Variants in MTFR1L observed in about 807,000 individuals in gnomAD.
MTFR1L encodes mitochondrial fission regulator 1 like.
Under a neutral mutation model 27.9 loss-of-function variants are expected in MTFR1L, and 10 were observed. That is an observed-to-expected ratio of 0.36 (90% CI 0.22 to 0.61). MTFR1L has a LOEUF of 0.61. Among genes scored for constraint, MTFR1L ranks in the 20% least tolerant of loss-of-function variants. The probability of loss-of-function intolerance (pLI) is 0.73; values close to 1 mark genes in which losing one functional copy is unlikely to be tolerated. For missense variants in MTFR1L, 315 were observed against 363.7 expected (o/e 0.87, Z 1.09); for synonymous variants, 151 against 139.4 (o/e 1.08, Z -0.58).
Position 25,832,470 on chromosome 1 carries a change from C to T in MTFR1L, c.*444C>T, listed in dbSNP as rs1254950612. On this transcript the variant is annotated 3_prime_UTR_variant, in exon 7 of 7. Coordinates refer to ENST00000374303, the MANE Select transcript of MTFR1L (RefSeq NM_001099625.2). ...GGAAGGGGCTATGAATGTTTGTATACATGTTCACAGGGCACGGAAAATCTT... is the reference window on the plus strand; with the variant it reads ...GGAAGGGGCTATGAATGTTTGTATATATGTTCACAGGGCACGGAAAATCTT... 5.3e-6 allele frequency: 2 copies of T among 379,898 alleles called. No individual in the cohort carries two copies. Among genetic ancestry groups the T allele is most frequent in the Non-Finnish European group, 9.9e-6 (2 of 201,088 alleles). The allele number at this position is 379,898 out of a possible 1,614,324, so 23.5% of individuals were successfully genotyped here.
chr1:25,823,912 G>A (rs909711956), intron 3 of MTFR1L, among the ~76,000 whole-genome samples, 164 bp downstream of exon 3: 2 of 152,202 alleles, frequency 1.3e-5, no homozygotes, highest in African/African-American at 2.4e-5. Context: ...GTGTCCTCCT[G>A]AGTGCATACA....
Position 25,826,223 on chromosome 1 carries a change from A to G in MTFR1L, c.130-79A>G, listed in dbSNP as rs554729835. On this transcript the variant is annotated intron_variant, in intron 3 of 6. Coordinates refer to ENST00000374303, the MANE Select transcript of MTFR1L (RefSeq NM_001099625.2). The surrounding 1 kb of genome is among the most constrained non-coding windows in gnomAD (Gnocchi z 4.1). ...CCTGACACCCAGTGCCGGATTAGGT[A>G]CCCCTCCTGTGTATTCTGCAGTTTC... is the stretch of plus-strand genomic sequence containing the variant. The G allele has an allele frequency of 5.7e-6, 7 of 1,230,292 alleles. No individual in the cohort carries two copies. The African/African-American group carries it at 6.0e-5, about 11-fold the overall frequency. The allele number at this position is 1,230,292 out of a possible 1,614,324, so 76.2% of individuals were successfully genotyped here.
chr1:25,831,920 G>A lies in MTFR1L; in HGVS notation c.774-1G>A. ...TACTCAAGCTATTATTGTGTCTCTAGGAACCGGAGTTTATTGAAGGAGGAA... is the reference window on the plus strand; with the variant it reads ...TACTCAAGCTATTATTGTGTCTCTAAGAACCGGAGTTTATTGAAGGAGGAA... On this transcript the variant is annotated splice_acceptor_variant, in intron 6 of 6. Coordinates refer to ENST00000374303, the MANE Select transcript of MTFR1L (RefSeq NM_001099625.2). LOFTEE classifies it high-confidence loss of function. 1.2e-6 allele frequency: 2 copies of A among 1,613,650 alleles called. No homozygotes were observed. The highest frequency in any genetic ancestry group is 1.3e-5 in the African/African-American group (1 of 75,044).
In MTFR1L at chr1:25,825,978, C is replaced by T. The variant is rs181654653; in HGVS notation, c.130-324C>T. Reference sequence around the variant, plus strand: ...TCTCCTGAATAGCTGGGACTACAGGCGTATACCACCATACCCAGATAATTT... The same window carrying T: ...TCTCCTGAATAGCTGGGACTACAGGTGTATACCACCATACCCAGATAATTT... On this transcript the variant is annotated intron_variant, in intron 3 of 6. Coordinates refer to ENST00000374303, the MANE Select transcript of MTFR1L (RefSeq NM_001099625.2). 253 of 270,806 alleles carry T rather than the reference C, an allele frequency of 9.3e-4. 3 individuals carry two copies. The highest frequency in any genetic ancestry group is 8.9e-4 in the South Asian group (21 of 23,516). The allele number at this position is 270,806 out of a possible 1,614,324, so 16.8% of individuals were successfully genotyped here.
chr1:25,823,393 C>T (rs1205911932), intron 2 of MTFR1L: 3 of 725,086 alleles, frequency 4.1e-6, no homozygotes, highest in African/African-American at 1.7e-5. Flanking sequence ...GCTACTTCCT[C>T]TCCCCTTCCC....
rs15045 is a variant in MTFR1L at position 25,832,471 on chromosome 1, A to G, written c.*445A>G. 0.8 allele frequency: 296,420 copies of G among 369,700 alleles called. 119,598 individuals carry two copies. The highest frequency in any genetic ancestry group is 0.97 in the East Asian group (18,120 of 18,604). 22.9% of individuals were successfully genotyped at this position (369,700 alleles called of 1,614,324 possible). On this transcript the variant is annotated 3_prime_UTR_variant, in exon 7 of 7. Coordinates refer to ENST00000374303, the MANE Select transcript of MTFR1L (RefSeq NM_001099625.2). ...GAAGGGGCTATGAATGTTTGTATAC[A>G]TGTTCACAGGGCACGGAAAATCTTA...
At chr1:25,824,448 T>C (rs1011652675) in intron 3 of MTFR1L, among the ~76,000 whole-genome samples, 4 of 152,138 alleles carry the variant, frequency 2.6e-5, no homozygotes, top group Admixed American at 1.3e-4. Context: ...ATGTGTGCAT[T>C]TGGAGAGCTG....
Position 25,826,854 on chromosome 1 carries a change from C to A in MTFR1L, c.451+28C>A. 6.2e-7 allele frequency: 1 copy of A among 1,608,756 alleles called. No individual in the cohort carries two copies. Among genetic ancestry groups the A allele is most frequent in the Non-Finnish European group, 8.5e-7 (1 of 1,177,332 alleles). Reference sequence around the variant, plus strand: ...AGGAGCCCCTGTGCCAGGGCCAGAACGTAACAGGCTGTTCCTTTCCCCTGG... The same window carrying A: ...AGGAGCCCCTGTGCCAGGGCCAGAAAGTAACAGGCTGTTCCTTTCCCCTGG... On this transcript the variant is annotated intron_variant, in intron 5 of 6. Coordinates refer to ENST00000374303, the MANE Select transcript of MTFR1L (RefSeq NM_001099625.2). The surrounding 1 kb of genome is among the most constrained non-coding windows in gnomAD (Gnocchi z 4.1).
intron 2 of MTFR1L, chr1:25,823,366 G>A (rs1366699800): frequency 2.8e-6 from 2 of 720,290 alleles, no homozygotes; most frequent in Non-Finnish European, 5.0e-6. Flanking sequence ...GGAAAGCCTG[G>A]ATAATCTCTA....
chr1:25,821,053 G>A (rs1181937473), intron 1 of MTFR1L: 4 of 271,962 alleles, frequency 1.5e-5, no homozygotes, highest in South Asian at 1.2e-4. Flanking sequence ...AGGGCAAGGG[G>A]GAGAGCAGGA....
Position 25,820,005 on chromosome 1 carries a change from G to A in MTFR1L, c.-111G>A. The A allele has an allele frequency of 2.9e-6, 1 of 348,356 alleles. No homozygotes were observed. 21.6% of individuals were successfully genotyped at this position (348,356 alleles called of 1,614,324 possible). A position where few individuals can be genotyped will look rare whatever the true frequency, so the allele number is the denominator to read the frequency against. ...GGTGGAAGGAGGGGCCGTGAGGTGA[G>A]AGAGTCCGGGAGCCCGAGCTTGAGG... On this transcript the variant is annotated 5_prime_UTR_variant, in exon 1 of 7. Transcript: ENST00000374303.
intron 3 of MTFR1L, among the ~76,000 whole-genome samples, chr1:25,825,000 C>T (rs2048149255): frequency 1.3e-5 from 2 of 152,070 alleles, no homozygotes; most frequent in Admixed American, 6.6e-5. Flanking sequence ...TATTTGTTTA[C>T]TCATTTAATT....
Position 25,826,430 on chromosome 1 carries a change from G to GGT in MTFR1L, c.239+20_239+21dup. 1 of 1,612,536 alleles carries GGT rather than the reference G, an allele frequency of 6.2e-7. No homozygotes were observed. Among genetic ancestry groups the GGT allele is most frequent in the Non-Finnish European group, 8.5e-7 (1 of 1,178,612 alleles). Reference sequence around the variant, plus strand: ...GGGTCAGGTAGTTGAGGCAGTAGCTGGTCTGCTAAGGAATGGAGAACTTCC... The same window carrying GGT: ...GGGTCAGGTAGTTGAGGCAGTAGCTGGTGTCTGCTAAGGAATGGAGAACTTCC... On this transcript the variant is annotated intron_variant, in intron 4 of 6. Coordinates refer to ENST00000374303, the MANE Select transcript of MTFR1L (RefSeq NM_001099625.2). This position sits in a 1 kb window ranked among gnomAD's most constrained non-coding sequence, Gnocchi z 4.1.
At chr1:25,820,722 G>T in intron 1 of MTFR1L, 1 of 433,700 alleles carries the variant, frequency 2.3e-6, no homozygotes, top group Admixed American at 2.7e-5. Context: ...GTGACACTTG[G>T]GGGCGGGGGT....
At chr1:25,822,972 C>T (rs762811104) in intron 1 of MTFR1L, 47 bp from the exon 2 acceptor site, 1 of 1,528,202 alleles carries the variant, frequency 6.5e-7, no homozygotes, top group East Asian at 2.2e-5. Context: ...ATTAAATCCC[C>T]ACTGTGGGGG....
In MTFR1L at chr1:25,829,600, A is replaced by T; in HGVS notation, c.543A>T (p.Thr181=). 1 of 1,614,166 alleles carries T rather than the reference A, an allele frequency of 6.2e-7. No homozygotes were observed. Among genetic ancestry groups the T allele is most frequent in the Non-Finnish European group, 8.5e-7 (1 of 1,180,032 alleles). ...LPCFGSSFHS[T]TSFVISDITE... is the part of the protein sequence containing the mutation. ...GTTTTGGATCCTCATTCCACTCTACAACTTCCTTTGTCATTAGTGACATCA... is the reference window on the plus strand; with the variant it reads ...GTTTTGGATCCTCATTCCACTCTACTACTTCCTTTGTCATTAGTGACATCA... Residue 181 remains threonine (T), a synonymous_variant, in exon 6 of 7, where the codon ACA becomes ACT. Coordinates refer to ENST00000374303, the MANE Select transcript of MTFR1L (RefSeq NM_001099625.2).
chr1:25,821,433 C>T (rs1401384965), intron 1 of MTFR1L: 1 of 152,592 alleles, frequency 6.6e-6, no homozygotes, highest in Non-Finnish European at 1.5e-5. Context: ...CTGGACCAGG[C>T]TTTGGGTGCT....
At chr1:25,823,905 T>C (rs2048133708) in intron 3 of MTFR1L, among the ~76,000 whole-genome samples, 157 bp downstream of exon 3, 1 of 152,194 alleles carries the variant, frequency 6.6e-6, no homozygotes, top group African/African-American at 2.4e-5. Flanking sequence ...GGTCACTGTG[T>C]CCTCCTGAGT....
Position 25,826,236 on chromosome 1 carries a change from A to C in MTFR1L, c.130-66A>C. 2 of 1,383,468 alleles carry C rather than the reference A, an allele frequency of 1.4e-6. No homozygotes were observed. The highest frequency in any genetic ancestry group is 1.4e-5 in the African/African-American group (1 of 70,126). 85.7% of individuals were successfully genotyped at this position (1,383,468 alleles called of 1,614,324 possible). ...GCCGGATTAGGTACCCCTCCTGTGTATTCTGCAGTTTCTGATTGGCTCATC... is the reference window on the plus strand; with the variant it reads ...GCCGGATTAGGTACCCCTCCTGTGTCTTCTGCAGTTTCTGATTGGCTCATC... On this transcript the variant is annotated intron_variant, in intron 3 of 6. Coordinates refer to ENST00000374303, the MANE Select transcript of MTFR1L (RefSeq NM_001099625.2). This position sits in a 1 kb window ranked among gnomAD's most constrained non-coding sequence, Gnocchi z 4.1.
Sources: allele counts gnomAD v4.1 joint callset (sites outside exome capture counted in the v4.1 genomes callset), GRCh38; gene constraint gnomAD v4.1.1; non-coding constraint Gnocchi (gnomAD v3.1); transcripts MANE v1.5; gene names NCBI Gene and HGNC (gene_info 2026-07-23, HGNC 2026-07-21).